The following GAP43 variants were observed in gnomAD, a reference collection of about 807,000 sequenced individuals.
GAP43 encodes the protein growth associated protein 43.
GAP43 carries 6 observed loss-of-function variants against 18.6 expected under a neutral mutation model. The ratio of observed to expected loss-of-function variants is 0.32; its 90% CI spans 0.18 to 0.64. The LOEUF (loss-of-function observed/expected upper bound fraction) is 0.64, where lower values mean the gene tolerates loss of function less well. Among genes scored for constraint, GAP43 ranks in the 30% least tolerant of loss-of-function variants. The pLI, the probability that GAP43 is intolerant of heterozygous loss-of-function variation, is 0.78. For missense variants in GAP43, 292 were observed against 295.5 expected (o/e 0.99, Z 0.09); for synonymous variants, 115 against 111.4 (o/e 1.03, Z -0.20).
At chr3:115,659,800 C>A (rs1267784607) in intron 1 of GAP43, among the ~76,000 whole-genome samples, 1 of 151,734 alleles carries the variant, frequency 6.6e-6, no homozygotes, top group Non-Finnish European at 1.5e-5. Context: ...AGAACCTTCC[C>A]TCTCTGTTTT....
intron 2 of GAP43, among the ~76,000 whole-genome samples, chr3:115,698,138 A>ATT (rs1201525123): frequency 2.7e-3 from 47 of 17,684 alleles, no homozygotes; most frequent in African/African-American, 6.5e-3. Flanking sequence ...TATAATATAT[A>ATT]TAATATATAT....
intron 2 of GAP43, among the ~76,000 whole-genome samples, chr3:115,695,005 G>A (rs567881196): frequency 6.6e-5 from 10 of 152,304 alleles, no homozygotes; most frequent in African/African-American, 2.2e-4. Flanking sequence ...AAAGACTTCT[G>A]TTTGACAAAA....
At chr3:115,685,158 T>A (rs1037353427) in intron 2 of GAP43, among the ~76,000 whole-genome samples, 4 of 152,202 alleles carry the variant, frequency 2.6e-5, no homozygotes, top group Admixed American at 6.5e-5. Flanking sequence ...CTGTAAGTCA[T>A]CCCTGAGGTT....
At chr3:115,641,944 A>G (rs1209001826) in intron 1 of GAP43, among the ~76,000 whole-genome samples, 1 of 152,032 alleles carries the variant, frequency 6.6e-6, no homozygotes, top group Non-Finnish European at 1.5e-5. Flanking sequence ...TCTCCTCTGA[A>G]ACCCCCTGTT....
intron 1 of GAP43, among the ~76,000 whole-genome samples, chr3:115,661,843 T>TTTTTTTTTTTTTTTTTTTTTTG (rs1708664475): frequency 6.7e-6 from 1 of 149,818 alleles, no homozygotes; most frequent in African/African-American, 2.5e-5. Flanking sequence ...TTTTTTTTTT[T>TTTTTTTTTTTTTTTTTTTTTTG]TTACCTGGGA....
At chr3:115,714,626 C>G (rs1479232660) in intron 2 of GAP43, among the ~76,000 whole-genome samples, 1 of 151,814 alleles carries the variant, frequency 6.6e-6, no homozygotes, top group Non-Finnish European at 1.5e-5. Flanking sequence ...CTTGAAAAAA[C>G]TTTTTTCCCC....
At chr3:115,683,143 G>GCACACACACACACACACA (rs1263644111) in intron 2 of GAP43, among the ~76,000 whole-genome samples, 1 of 126,046 alleles carries the variant, frequency 7.9e-6, no homozygotes, top group Admixed American at 8.0e-5. Context: ...GTGCGCGCGC[G>GCACACACACACACACACA]CGCGCACACA....
chr3:115,691,979 A>G (rs1436510298), intron 2 of GAP43, among the ~76,000 whole-genome samples: 4 of 152,222 alleles, frequency 2.6e-5, no homozygotes, highest in Non-Finnish European at 5.9e-5. Flanking sequence ...TCTTAGACCT[A>G]AAAGGAAACT....
chr3:115,651,296 T>C (rs985479779), intron 1 of GAP43, among the ~76,000 whole-genome samples: 1 of 152,218 alleles, frequency 6.6e-6, no homozygotes, highest in Admixed American at 6.5e-5. Flanking sequence ...GTCAAGTCTC[T>C]CTTCCTCTTT....
At chr3:115,659,326 C>A (rs1191251976) in intron 1 of GAP43, among the ~76,000 whole-genome samples, 1 of 152,028 alleles carries the variant, frequency 6.6e-6, no homozygotes, top group Non-Finnish European at 1.5e-5. Flanking sequence ...TTGAACTTTC[C>A]ATTTCTCACT....
intron 2 of GAP43, among the ~76,000 whole-genome samples, chr3:115,692,553 G>A (rs1354468665): frequency 6.6e-6 from 1 of 152,172 alleles, no homozygotes; most frequent in Admixed American, 6.5e-5. Context: ...TTGTGGCAAA[G>A]GAATTCAGAG....
At position 115,676,387 on chromosome 3, in the gene GAP43, C is replaced by T. The variant is rs1195300918; in HGVS notation, c.405C>T (p.Ala135=). Residue 135 remains alanine (A), a synonymous_variant, in exon 2 of 3, where the codon GCC becomes GCT. Transcript: ENST00000305124. ...PQAPASSEEK[A]GSAETESATK... is the part of the protein sequence containing the mutation. ...CTCCTGCATCCTCAGAGGAGAAGGC[C>T]GGCTCAGCTGAGACAGAAAGTGCCA... 30 of 1,613,816 alleles carry T rather than the reference C, an allele frequency of 1.9e-5. No individual in the cohort carries two copies. Among genetic ancestry groups the T allele is most frequent in the African/African-American group, 4.0e-5 (3 of 74,908 alleles).
intron 2 of GAP43, among the ~76,000 whole-genome samples, chr3:115,704,558 G>A (rs1263842198): frequency 6.6e-6 from 1 of 152,064 alleles, no homozygotes; most frequent in African/African-American, 2.4e-5. Flanking sequence ...AGCCTCCAGA[G>A]TATCTAAAAT....
chr3:115,628,366 CT>C (rs1406552898), intron 1 of GAP43, among the ~76,000 whole-genome samples: 6 of 152,146 alleles, frequency 3.9e-5, no homozygotes, highest in African/African-American at 1.4e-4. Context: ...AAAAGATTCT[CT>C]CCTGACTCTA....
In GAP43 at chr3:115,637,031, T is replaced by C. The variant is rs115663768; in HGVS notation, c.30+13312T>C. On this transcript the variant is annotated intron_variant, in intron 1 of 2. Coordinates refer to ENST00000305124, the MANE Select transcript of GAP43 (RefSeq NM_002045.4). ...ATTGTTACCGCCACTACTTGAAAAGTCCCCTTTTGGGCCTAGCTCAATCTT... is the reference window on the plus strand; with the variant it reads ...ATTGTTACCGCCACTACTTGAAAAGCCCCCTTTTGGGCCTAGCTCAATCTT... 4.5e-3 allele frequency among the ~76,000 whole-genome samples: 679 copies of C among 152,174 alleles called. 6 individuals are homozygous for C. The highest frequency in any genetic ancestry group is 0.016 in the African/African-American group (656 of 41,528).
At chr3:115,681,725 C>A (rs1708960168) in intron 2 of GAP43, among the ~76,000 whole-genome samples, 1 of 152,166 alleles carries the variant, frequency 6.6e-6, no homozygotes, top group Non-Finnish European at 1.5e-5. Context: ...TTATTAACTG[C>A]CAGGTCCTGT....
At chr3:115,717,684 T>C (rs892195844) in intron 2 of GAP43, among the ~76,000 whole-genome samples, 2 of 151,284 alleles carry the variant, frequency 1.3e-5, no homozygotes, top group African/African-American at 4.9e-5. Context: ...TTTTTTTTTT[T>C]TCTCAGTACC....
chr3:115,688,152 G>A (rs111879237), intron 2 of GAP43, among the ~76,000 whole-genome samples: 23,705 of 151,882 alleles, frequency 0.16, 2,132 homozygotes, highest in East Asian at 0.34. Context: ...GAGTAGCTGG[G>A]ATTACAGGAG....
intron 2 of GAP43, among the ~76,000 whole-genome samples, chr3:115,706,228 T>C (rs1026850101): frequency 2.0e-5 from 3 of 152,186 alleles, no homozygotes; most frequent in Admixed American, 2.0e-4. Flanking sequence ...TCCTGAAACT[T>C]AAGGAATCAA....
Sources: allele counts gnomAD v4.1 joint callset (sites outside exome capture counted in the v4.1 genomes callset), GRCh38; gene constraint gnomAD v4.1.1; transcripts MANE v1.5; gene names NCBI Gene and HGNC (gene_info 2026-07-23, HGNC 2026-07-21).